The following LIMS1 variants were observed in gnomAD, a reference collection of about 807,000 sequenced individuals.
LIMS1 encodes LIM zinc finger domain containing 1, also known as LIM and senescent cell antigen-like-containing domain protein 1.
A neutral mutation model predicts 44.1 loss-of-function variants in LIMS1; 18 were observed. The observed-to-expected ratio is 0.41, with a 90% confidence interval of 0.28 to 0.61. The LOEUF (loss-of-function observed/expected upper bound fraction) is 0.61. Among genes scored for constraint, LIMS1 ranks in the 20% least tolerant of loss-of-function variants. LIMS1 has a pLI of 0.32. For missense variants in LIMS1, 201 were observed against 422.0 expected (o/e 0.48, Z 4.59); for synonymous variants, 93 against 149.1 (o/e 0.62, Z 2.74).
intron 1 of LIMS1, among the ~76,000 whole-genome samples, chr2:108,571,898 C>T (rs1010974263): frequency 6.6e-6 from 1 of 152,210 alleles, no homozygotes; most frequent in Non-Finnish European, 1.5e-5. Flanking sequence ...CCCAGCTGCT[C>T]TTCCAGAGCT....
At chr2:108,662,379 T>C (rs572629923) in intron 2 of LIMS1, 991 of 1,587,626 alleles carry the variant, frequency 6.2e-4, no homozygotes, top group South Asian at 2.3e-3. Flanking sequence ...AAGAATAAAG[T>C]GTGACTCATC....
intron 1 of LIMS1, among the ~76,000 whole-genome samples, chr2:108,587,891 G>T (rs565606744): frequency 6.6e-6 from 1 of 152,134 alleles, no homozygotes; most frequent in East Asian, 1.9e-4. Context: ...TGGCGTGCCC[G>T]TCCCTAAGCT....
chr2:108,676,962 A>G (rs1413642551), intron 7 of LIMS1: 6 of 427,084 alleles, frequency 1.4e-5, no homozygotes, highest in Middle Eastern at 6.3e-4. Flanking sequence ...TTACGTAAAT[A>G]TTATATACAA....
intron 3 of LIMS1, among the ~76,000 whole-genome samples, 160 bp from the exon 4 acceptor site, chr2:108,672,165 C>CAAAAA (rs559219796): frequency 3.5e-5 from 2 of 56,824 alleles, no homozygotes; most frequent in Non-Finnish European, 7.2e-5. Flanking sequence ...GAAACTGTCT[C>CAAAAA]AAAAAAAAAA....
intron 1 of LIMS1, among the ~76,000 whole-genome samples, chr2:108,638,118 T>G (rs2148911089): frequency 6.6e-6 from 1 of 152,252 alleles, no homozygotes; most frequent in East Asian, 1.9e-4. Flanking sequence ...AGTGCTGGGA[T>G]TACAGGCATG....
At chr2:108,571,522 G>A (rs1042081766) in intron 1 of LIMS1, among the ~76,000 whole-genome samples, 1 of 152,072 alleles carries the variant, frequency 6.6e-6, no homozygotes, top group Non-Finnish European at 1.5e-5. Context: ...ATAAACATTG[G>A]CGTACATAAT....
chr2:108,664,655 CT>C (rs1691621218), intron 2 of LIMS1, among the ~76,000 whole-genome samples: 1 of 152,148 alleles, frequency 6.6e-6, no homozygotes. Context: ...TAGAGTTTTA[CT>C]TTGGATCAAC....
chr2:108,556,661 T>A (rs1364824789), intron 1 of LIMS1, among the ~76,000 whole-genome samples: 3 of 152,178 alleles, frequency 2.0e-5, no homozygotes, highest in Admixed American at 1.3e-4. Flanking sequence ...AGAATGAGGG[T>A]CAGTGATCAA....
chr2:108,647,664 G>A (rs1690168812), intron 1 of LIMS1, among the ~76,000 whole-genome samples: 4 of 152,094 alleles, frequency 2.6e-5, no homozygotes, highest in Admixed American at 6.5e-5. Flanking sequence ...TTCAACATAC[G>A]CAAATCAATA....
intron 1 of LIMS1, among the ~76,000 whole-genome samples, chr2:108,557,251 A>G (rs557262336): frequency 6.6e-6 from 1 of 151,672 alleles, no homozygotes; most frequent in South Asian, 2.1e-4. Flanking sequence ...CTAATTTTTC[A>G]TTTTTTGTAG....
chr2:108,660,124 C>G, intron 2 of LIMS1: 1 of 470,244 alleles, frequency 2.1e-6, no homozygotes, highest in Non-Finnish European at 4.2e-6. Context: ...CTCACCCACT[C>G]CTGTCTCTGT....
intron 1 of LIMS1, among the ~76,000 whole-genome samples, chr2:108,571,202 T>C (rs762448999): frequency 1.5e-3 from 223 of 152,250 alleles, no homozygotes; most frequent in Admixed American, 1.0e-3. Context: ...ATACCAGTGG[T>C]AATAGTAGTA....
intron 1 of LIMS1, among the ~76,000 whole-genome samples, chr2:108,571,392 G>T (rs1685474819): frequency 6.6e-6 from 1 of 152,160 alleles, no homozygotes; most frequent in South Asian, 2.1e-4. Context: ...AAATGACTCT[G>T]TTAGTCATGT....
At chr2:108,583,708 T>G (rs1001373146) in intron 1 of LIMS1, among the ~76,000 whole-genome samples, 3 of 148,970 alleles carry the variant, frequency 2.0e-5, no homozygotes, top group Non-Finnish European at 4.5e-5. Flanking sequence ...TTCTTTTTTT[T>G]TTTTTTGAGA....
chr2:108,656,363 T>C (rs1690847746), intron 1 of LIMS1, among the ~76,000 whole-genome samples: 2 of 151,892 alleles, frequency 1.3e-5, no homozygotes, highest in Non-Finnish European at 2.9e-5. Context: ...ACTCCCCCAC[T>C]TACATATTTC....
intron 1 of LIMS1, among the ~76,000 whole-genome samples, chr2:108,621,623 G>A (rs561948507): frequency 2.0e-5 from 3 of 152,264 alleles, no homozygotes; most frequent in South Asian, 2.1e-4. Context: ...TGTACTGATT[G>A]GAACTGTGCA....
chr2:108,676,947 C>T (rs559331252), intron 7 of LIMS1: 15 of 486,826 alleles, frequency 3.1e-5, no homozygotes, highest in African/African-American at 3.0e-4. Flanking sequence ...GTGTAAAACA[C>T]ATAGTTACGT....
exon 10 of LIMS1, chr2:108,685,089 A>T (rs1693232117): frequency 6.6e-6 from 1 of 152,118 alleles, no homozygotes; most frequent in Non-Finnish European, 1.5e-5. Context: ...CTTTTTGGGG[A>T]AATCCATTGA....
At chr2:108,619,059 C>G (rs920533071) in intron 1 of LIMS1, among the ~76,000 whole-genome samples, 4 of 152,084 alleles carry the variant, frequency 2.6e-5, no homozygotes, top group African/African-American at 9.7e-5. Flanking sequence ...TAACCCCCTG[C>G]ACATCCTTTT....
Sources: allele counts gnomAD v4.1 joint callset (sites outside exome capture counted in the v4.1 genomes callset), GRCh38; gene constraint gnomAD v4.1.1; transcripts MANE v1.5; gene names NCBI Gene and HGNC (gene_info 2026-07-23, HGNC 2026-07-21).